The following PARD3B variants were observed in gnomAD, a reference collection of about 807,000 sequenced individuals.
PARD3B encodes the protein par-3 family cell polarity regulator beta.
Under a neutral mutation model 130.2 loss-of-function variants are expected in PARD3B, and 103 were observed. The ratio of observed to expected loss-of-function variants is 0.79; its 90% CI spans 0.67 to 0.93. The LOEUF (loss-of-function observed/expected upper bound fraction) is 0.93, where lower values mean the gene tolerates loss of function less well. Ranked by LOEUF, PARD3B falls within the 40% of genes least tolerant of loss-of-function variation. The pLI, the probability that PARD3B is intolerant of heterozygous loss-of-function variation, is 0.00. For missense variants in PARD3B, 1,609 were observed against 1,499.2 expected, an observed-to-expected ratio of 1.07 and a Z score of -1.21; for synonymous variants, 583 against 553.2, an observed-to-expected ratio of 1.05 and a Z score of -0.76.
At chr2:205,553,227 G>A in intron 21 of PARD3B, 97 bp from the exon 22 acceptor site, 3 of 1,134,466 alleles carry the variant, frequency 2.6e-6, no homozygotes, top group Non-Finnish European at 2.6e-6. Context: ...TTGGCAGGCA[G>A]TAACAGCATT....
intron 2 of PARD3B, among the ~76,000 whole-genome samples, chr2:204,830,174 C>T (rs968496937): frequency 6.6e-6 from 1 of 152,032 alleles, no homozygotes; most frequent in East Asian, 1.9e-4. Flanking sequence ...GTCAGTTAAA[C>T]CTTTTTTCTT....
intron 2 of PARD3B, among the ~76,000 whole-genome samples, chr2:204,796,870 G>C (rs1029817270): frequency 6.6e-6 from 1 of 151,994 alleles, no homozygotes; most frequent in Non-Finnish European, 1.5e-5. Context: ...ATTTTTCTTT[G>C]ACTGTACATT....
intron 18 of PARD3B, among the ~76,000 whole-genome samples, chr2:205,381,232 A>G (rs1340058849): frequency 2.4e-5 from 3 of 127,006 alleles, no homozygotes; most frequent in Non-Finnish European, 4.7e-5. Flanking sequence ...TATATATAAT[A>G]TATATAAAAA....
At chr2:205,511,857 C>T (rs1432009520) in intron 21 of PARD3B, among the ~76,000 whole-genome samples, 1 of 152,224 alleles carries the variant, frequency 6.6e-6, no homozygotes, top group Non-Finnish European at 1.5e-5. Context: ...CCTCACACAG[C>T]TTCCTGACTA....
intron 2 of PARD3B, among the ~76,000 whole-genome samples, chr2:204,921,091 T>G (rs1019922049): frequency 2.2e-4 from 34 of 152,226 alleles, no homozygotes; most frequent in Non-Finnish European, 2.1e-4. Flanking sequence ...GCTAAAGTGG[T>G]GATCTTTTCC....
chr2:205,257,240 C>T (rs1028984909), intron 16 of PARD3B, among the ~76,000 whole-genome samples: 9 of 152,024 alleles, frequency 5.9e-5, no homozygotes, highest in Admixed American at 4.6e-4. Flanking sequence ...CATACCCCTA[C>T]GAAACAGCTT....
chr2:204,884,902 ATG>A (rs1453854674), intron 2 of PARD3B, among the ~76,000 whole-genome samples: 3 of 152,120 alleles, frequency 2.0e-5, no homozygotes, highest in Non-Finnish European at 2.9e-5. Context: ...AGTTGATTCC[ATG>A]TCTTTGCTAT....
rs573425314 is a variant in PARD3B at position 205,325,137 on chromosome 2, T to G, written c.2630+23436T>G. On this transcript the variant is annotated intron_variant, in intron 18 of 22. Coordinates refer to ENST00000406610, the MANE Select transcript of PARD3B (RefSeq NM_001302769.2). The surrounding 1 kb of genome is among the most constrained non-coding windows in gnomAD (Gnocchi z 4.1). ...GTCTTGATATTCTCTCCCAGCCCACTTACTACAGTACTGCCCATCTGATCT... is the reference window on the plus strand; with the variant it reads ...GTCTTGATATTCTCTCCCAGCCCACGTACTACAGTACTGCCCATCTGATCT... Among the ~76,000 whole-genome samples the G allele has an allele frequency of 1.3e-4, 20 of 152,320 alleles. No homozygotes were observed. Among genetic ancestry groups the G allele is most frequent in the African/African-American group, 4.8e-4 (20 of 41,584 alleles).
intron 15 of PARD3B, among the ~76,000 whole-genome samples, chr2:205,205,321 C>T (rs1414866818): frequency 1.3e-5 from 2 of 152,090 alleles, no homozygotes; most frequent in African/African-American, 4.8e-5. Context: ...GCTGAATTTG[C>T]TTATCAGCTT....
intron 1 of PARD3B, among the ~76,000 whole-genome samples, chr2:204,653,182 C>T (rs914160183): frequency 6.6e-6 from 1 of 150,376 alleles, no homozygotes; most frequent in Non-Finnish European, 1.5e-5. Context: ...AGGATTAGTA[C>T]CTGGGTGATG....
chr2:205,232,644 A>G (rs904491837), intron 15 of PARD3B, among the ~76,000 whole-genome samples: 7 of 150,228 alleles, frequency 4.7e-5, no homozygotes, highest in African/African-American at 1.7e-4. Flanking sequence ...TTATAGTTGT[A>G]TTTAATACAT....
At chr2:205,329,004 A>G (rs1000099933) in intron 18 of PARD3B, among the ~76,000 whole-genome samples, 6 of 152,178 alleles carry the variant, frequency 3.9e-5, no homozygotes, top group African/African-American at 9.7e-5. Context: ...CTCCTGTAGG[A>G]AATTAAATCT....
rs185871487 is a variant in PARD3B, at chr2:205,196,380, A to G, written c.2140+3060A>G. Among the ~76,000 whole-genome samples, 9 of 151,746 alleles carry G rather than the reference A, an allele frequency of 5.9e-5. No homozygotes were observed. The East Asian group carries it at 1.4e-3, about 23-fold the overall frequency. Reference sequence around the variant, plus strand: ...GTGTTTAAGATTTTGCAATTTGTTTATTTATAGCCTTTGCCACGTTACCAT... The same window carrying G: ...GTGTTTAAGATTTTGCAATTTGTTTGTTTATAGCCTTTGCCACGTTACCAT... On this transcript the variant is annotated intron_variant, in intron 15 of 22. Transcript: ENST00000406610.
intron 10 of PARD3B, among the ~76,000 whole-genome samples, chr2:205,127,081 C>G (rs908734481): frequency 6.6e-6 from 1 of 151,646 alleles, no homozygotes; most frequent in South Asian, 2.1e-4. Context: ...AGGTGGATCA[C>G]CTGAGGTCAG....
intron 15 of PARD3B, among the ~76,000 whole-genome samples, chr2:205,240,141 A>G (rs1468293417): frequency 6.6e-6 from 1 of 152,178 alleles, no homozygotes; most frequent in African/African-American, 2.4e-5. Context: ...TTAATTTACA[A>G]TTTGAAACAG....
intron 4 of PARD3B, among the ~76,000 whole-genome samples, chr2:205,063,274 A>G (rs1231831515): frequency 6.6e-6 from 1 of 152,042 alleles, no homozygotes. Context: ...GAATGTATCA[A>G]AGTATCACAT....
rs1464974927 is a variant in PARD3B, at chr2:205,589,297, TC to T, written c.3261-26158del. 7.2e-5 allele frequency among the ~76,000 whole-genome samples: 11 copies of T among 152,234 alleles called. No homozygotes were observed. The highest frequency in any genetic ancestry group is 2.4e-4 in the African/African-American group (10 of 41,544). On this transcript the variant is annotated intron_variant, in intron 22 of 22. Coordinates refer to ENST00000406610, the MANE Select transcript of PARD3B (RefSeq NM_001302769.2). The surrounding 1 kb of genome is among the most constrained non-coding windows in gnomAD (Gnocchi z 4.1). ...TGAAGCGAGACCCTGTCTCAATCAA[TC>T]AATCAATCAATCAAATCCTGAGCCA...
intron 11 of PARD3B, among the ~76,000 whole-genome samples, chr2:205,165,988 A>T (rs912937751): frequency 1.3e-5 from 2 of 152,042 alleles, no homozygotes; most frequent in Admixed American, 1.3e-4. Flanking sequence ...TGGCATATTC[A>T]AGACAGCTTA....
chr2:205,278,750 T>TA (rs1280007915), intron 16 of PARD3B, among the ~76,000 whole-genome samples: 8 of 152,042 alleles, frequency 5.3e-5, no homozygotes. Context: ...TTCAGAACTT[T>TA]AAGAAGCCAC....
Sources: allele counts gnomAD v4.1 joint callset (sites outside exome capture counted in the v4.1 genomes callset), GRCh38; gene constraint gnomAD v4.1.1; non-coding constraint Gnocchi (gnomAD v3.1); transcripts MANE v1.5; gene names NCBI Gene and HGNC (gene_info 2026-07-23, HGNC 2026-07-21).